CRYBG1: variants seen among roughly 807,000 people sequenced by gnomAD.
CRYBG1 encodes beta/gamma crystallin domain-containing protein 1.
Under a neutral mutation model 189.2 loss-of-function variants are expected in CRYBG1, and 139 were observed. The observed-to-expected ratio is 0.73, with a 90% CI of 0.64 to 0.85. The LOEUF (loss-of-function observed/expected upper bound fraction) is 0.85, where lower values mean the gene tolerates loss of function less well. CRYBG1 is among the 40% of genes least tolerant of loss of function. The probability of loss-of-function intolerance (pLI) is 0.00; values close to 1 mark genes in which losing one functional copy is unlikely to be tolerated. For missense variants in CRYBG1, 2,611 were observed against 2,675.8 expected (o/e 0.98, Z 0.53); for synonymous variants, 1,023 against 1,017.1 (o/e 1.01, Z -0.11).
intron 20 of CRYBG1, among the ~76,000 whole-genome samples, chr6:106,563,045 T>C (rs1391891638): frequency 6.6e-6 from 1 of 152,196 alleles, no homozygotes; most frequent in Non-Finnish European, 1.5e-5. Flanking sequence ...TCCTCTCACC[T>C]TGGCCTCCCA....
intron 2 of CRYBG1, among the ~76,000 whole-genome samples, chr6:106,510,031 A>G (rs1369603612): frequency 3.3e-5 from 5 of 152,098 alleles, no homozygotes; most frequent in African/African-American, 4.8e-5. Context: ...CTCAAACGCA[A>G]TGGAGCTTCA....
intron 2 of CRYBG1, among the ~76,000 whole-genome samples, chr6:106,502,295 A>G (rs1379404979): frequency 6.6e-6 from 1 of 152,236 alleles, no homozygotes; most frequent in Non-Finnish European, 1.5e-5. Flanking sequence ...TGCACAAGTC[A>G]TTCTTTTTAA....
chr6:106,457,293 G>C (rs146983321), intron 2 of CRYBG1: 2 of 152,164 alleles, frequency 1.3e-5, no homozygotes, highest in Non-Finnish European at 1.5e-5. Context: ...GCTAGCTCAG[G>C]TCTATCTGCC....
chr6:106,477,005 C>T (rs1420935709), intron 2 of CRYBG1, among the ~76,000 whole-genome samples: 1 of 152,082 alleles, frequency 6.6e-6, no homozygotes, highest in African/African-American at 2.4e-5. Flanking sequence ...CTTAAAATAC[C>T]ACCTACCATA....
At chr6:106,497,962 G>A (rs150310591) in intron 2 of CRYBG1, among the ~76,000 whole-genome samples, 87 of 152,200 alleles carry the variant, frequency 5.7e-4, no homozygotes, top group African/African-American at 2.0e-3. Flanking sequence ...ATAGCTGGGC[G>A]TGGTGGCGCA....
intron 1 of CRYBG1, among the ~76,000 whole-genome samples, chr6:106,446,017 C>T (rs1331924740): frequency 6.6e-6 from 1 of 152,152 alleles, no homozygotes; most frequent in Non-Finnish European, 1.5e-5. Flanking sequence ...CCAGCAGGCA[C>T]AACACTGTCA....
intron 2 of CRYBG1, among the ~76,000 whole-genome samples, chr6:106,498,430 A>G (rs1465112522): frequency 6.6e-6 from 1 of 152,180 alleles, no homozygotes; most frequent in Admixed American, 6.5e-5. Context: ...TGGGGTTGTG[A>G]TCCAATCCCA....
Position 106,544,562 on chromosome 6 carries a change from A to G in CRYBG1, c.5040-9A>G, listed in dbSNP as rs1226941709. 2 of 1,612,400 alleles carry G rather than the reference A, an allele frequency of 1.2e-6. No homozygotes were observed. The highest frequency in any genetic ancestry group is 2.2e-5 in the South Asian group (2 of 90,964). The stretch of plus-strand genomic sequence containing the variant: ...GAAATGACTACTCCTCGTGTTCTTT[A>G]TGTTGCAGTTGGGTTGCATATGAGA... On this transcript the variant is annotated splice_polypyrimidine_tract_variant and intron_variant, in intron 11 of 21. Coordinates refer to ENST00000633556, the MANE Select transcript of CRYBG1 (RefSeq NM_001371242.2).
At chr6:106,561,228 A>G (rs1582841845) in intron 19 of CRYBG1, 114 bp from the exon 20 acceptor site, 3 of 1,169,218 alleles carry the variant, frequency 2.6e-6, no homozygotes, top group Non-Finnish European at 3.6e-6. Context: ...ACTCTTGAGT[A>G]TGGTAATTAC....
At chr6:106,517,938 G>A (rs1196417215) in intron 3 of CRYBG1, among the ~76,000 whole-genome samples, 1 of 152,154 alleles carries the variant, frequency 6.6e-6, no homozygotes, top group Non-Finnish European at 1.5e-5. Flanking sequence ...GACGGAGAGA[G>A]GGGAGACTCT....
At chr6:106,438,939 C>A (rs1332715626) in intron 1 of CRYBG1, among the ~76,000 whole-genome samples, 1 of 151,754 alleles carries the variant, frequency 6.6e-6, no homozygotes, top group Non-Finnish European at 1.5e-5. Flanking sequence ...GTGGCTCATG[C>A]CCGTAATCCC....
At chr6:106,361,109 CCCACCTCCT>C in intron 1 of CRYBG1, 28 bp downstream of exon 1, 3 of 1,529,054 alleles carry the variant, frequency 2.0e-6, no homozygotes, top group Non-Finnish European at 1.7e-6. Flanking sequence ...GCCCTCCAGT[CCCACCTCCT>C]CCTCCTCCTC....
At chr6:106,496,351 C>T (rs1772851453) in intron 2 of CRYBG1, among the ~76,000 whole-genome samples, 1 of 152,156 alleles carries the variant, frequency 6.6e-6, no homozygotes, top group South Asian at 2.1e-4. Flanking sequence ...TAGTTTAATA[C>T]TTAACACTTT....
chr6:106,365,199 C>T (rs192127046), intron 1 of CRYBG1, among the ~76,000 whole-genome samples: 176 of 152,094 alleles, frequency 1.2e-3, no homozygotes, highest in Non-Finnish European at 2.1e-3. Context: ...GAGGTGGAGG[C>T]GGGTGGATCA....
chr6:106,440,461 T>A (rs1771547765), intron 1 of CRYBG1, among the ~76,000 whole-genome samples: 1 of 152,114 alleles, frequency 6.6e-6, no homozygotes, highest in Non-Finnish European at 1.5e-5. Context: ...GAGGCAGGGT[T>A]TCACTATGTT....
At chr6:106,433,755 ATGTGTATATATATATATG>A (rs1562305859) in intron 1 of CRYBG1, among the ~76,000 whole-genome samples, 11,585 of 78,810 alleles carry the variant, frequency 0.15, 1,309 homozygotes, top group East Asian at 0.21. Context: ...GTATATATAT[ATGTGTATATATATATATG>A]TATATATATA....
chr6:106,510,071 G>C (rs1220926044), intron 2 of CRYBG1, among the ~76,000 whole-genome samples: 1 of 152,180 alleles, frequency 6.6e-6, no homozygotes, highest in East Asian at 1.9e-4. Flanking sequence ...CCCCGTAGTC[G>C]GTACTGTCCT....
At chr6:106,368,701 C>A (rs989168478) in intron 1 of CRYBG1, among the ~76,000 whole-genome samples, 1 of 152,126 alleles carries the variant, frequency 6.6e-6, no homozygotes, top group Non-Finnish European at 1.5e-5. Context: ...TGTGCATCTT[C>A]TGGATTGTTC....
chr6:106,432,134 A>C (rs1360010719), intron 1 of CRYBG1, among the ~76,000 whole-genome samples: 1 of 152,176 alleles, frequency 6.6e-6, no homozygotes, highest in Non-Finnish European at 1.5e-5. Flanking sequence ...TGAGAGTGAA[A>C]TATTCAAATA....
Sources: gnomAD v4.1 joint callset for allele counts (sites outside exome capture counted in the v4.1 genomes callset) on GRCh38, gnomAD v4.1.1 for gene constraint, MANE v1.5 for transcripts, NCBI Gene and HGNC (gene_info 2026-07-23, HGNC 2026-07-21) for gene names.